GRM7: variants seen among roughly 807,000 people sequenced by gnomAD.
GRM7 encodes the protein metabotropic glutamate receptor 7.
Under a neutral mutation model 84.5 loss-of-function variants are expected in GRM7, and 35 were observed. The observed-to-expected ratio is 0.41, with a 90% CI of 0.32 to 0.55. The LOEUF (loss-of-function observed/expected upper bound fraction) is 0.55. Among genes scored for constraint, GRM7 ranks in the 20% least tolerant of loss-of-function variants. GRM7 has a pLI of 0.19. For synonymous variants in GRM7, 487 were observed against 455.1 expected, an observed-to-expected ratio of 1.07 and a Z score of -0.89; for missense variants, 1,003 against 1,194.6, an observed-to-expected ratio of 0.84 and a Z score of 2.36.
intron 7 of GRM7, among the ~76,000 whole-genome samples, chr3:7,552,405 T>C (rs2125027204): frequency 6.6e-6 from 1 of 152,324 alleles, no homozygotes; most frequent in Non-Finnish European, 1.5e-5. Context: ...AGCGATCCTC[T>C]TCTCACAGCT....
chr3:7,610,291 A>ATAAT (rs1265553209), intron 8 of GRM7, among the ~76,000 whole-genome samples: 4 of 152,204 alleles, frequency 2.6e-5, no homozygotes, highest in Non-Finnish European at 4.4e-5. Flanking sequence ...AGAATTAGCC[A>ATAAT]TAATAGAGAT....
At chr3:7,457,019 A>C (rs1698046370) in intron 6 of GRM7, among the ~76,000 whole-genome samples, 2 of 152,188 alleles carry the variant, frequency 1.3e-5, no homozygotes, top group Non-Finnish European at 2.9e-5. Flanking sequence ...ATAGCTAGCA[A>C]AGGACAGAGA....
intron 4 of GRM7, among the ~76,000 whole-genome samples, chr3:7,403,425 G>A (rs925037418): frequency 1.3e-5 from 2 of 151,044 alleles, no homozygotes; most frequent in Admixed American, 6.6e-5. Context: ...ACATTCATTA[G>A]GATGACATCA....
At chr3:6,933,265 A>G (rs1417442893) in intron 1 of GRM7, among the ~76,000 whole-genome samples, 4 of 152,298 alleles carry the variant, frequency 2.6e-5, no homozygotes, top group African/African-American at 7.2e-5. Flanking sequence ...GTTGGCCCCT[A>G]TGATTTCCCC....
intron 1 of GRM7, among the ~76,000 whole-genome samples, chr3:7,054,972 C>T (rs894241636): frequency 6.6e-6 from 1 of 151,920 alleles, no homozygotes; most frequent in African/African-American, 2.4e-5. Context: ...AATTTGTTTT[C>T]CTGGAAATAT....
At chr3:7,621,411 TTTAG>T (rs1682283368) in intron 8 of GRM7, among the ~76,000 whole-genome samples, 1 of 152,072 alleles carries the variant, frequency 6.6e-6, no homozygotes, top group African/African-American at 2.4e-5. Context: ...TCTCAAGTCA[TTTAG>T]TTAATTAAAC....
At chr3:7,240,290 G>T (rs2124919351) in intron 2 of GRM7, among the ~76,000 whole-genome samples, 2 of 151,668 alleles carry the variant, frequency 1.3e-5, no homozygotes, top group South Asian at 2.1e-4. Flanking sequence ...TACAGGGCTT[G>T]CATGGACTTG....
intron 1 of GRM7, among the ~76,000 whole-genome samples, chr3:7,038,025 C>G (rs1380747625): frequency 6.6e-6 from 1 of 152,060 alleles, no homozygotes. Context: ...TAATAAATAG[C>G]ATCATTTCAG....
intron 8 of GRM7, 47 bp from the exon 9 acceptor site, chr3:7,680,002 T>A (rs750832710): frequency 6.3e-7 from 1 of 1,593,498 alleles, no homozygotes. Flanking sequence ...AGACCCCTAC[T>A]GCAGTCATTT....
At chr3:7,623,206 C>T (rs1301319513) in intron 8 of GRM7, among the ~76,000 whole-genome samples, 1 of 151,986 alleles carries the variant, frequency 6.6e-6, no homozygotes, top group Admixed American at 6.6e-5. Context: ...TGAAGGAGAC[C>T]AGTCTGCAGA....
At chr3:7,521,236 G>A (rs1205523548) in intron 7 of GRM7, among the ~76,000 whole-genome samples, 2 of 152,200 alleles carry the variant, frequency 1.3e-5, no homozygotes, top group South Asian at 2.1e-4. Context: ...GGTTCCCAGT[G>A]CCTTCGATGT....
intron 4 of GRM7, among the ~76,000 whole-genome samples, chr3:7,315,918 A>G (rs111917536): frequency 2.3e-3 from 352 of 152,288 alleles, no homozygotes; most frequent in Middle Eastern, 3.4e-3. Flanking sequence ...CACACCTGAC[A>G]AGTGCTATAA....
intron 7 of GRM7, chr3:7,535,206 C>A (rs1331690096): frequency 1.3e-5 from 2 of 151,516 alleles, no homozygotes; most frequent in Non-Finnish European, 2.9e-5. Flanking sequence ...CAATTAGTGT[C>A]TCAGGAAATG....
At position 7,127,290 on chromosome 3, in the gene GRM7, TC is replaced by T. The variant is rs561100678; in HGVS notation, c.520-19161del. Among the ~76,000 whole-genome samples the T allele has an allele frequency of 3.0e-4, 46 of 152,318 alleles. No individual in the cohort carries two copies. In the South Asian group the frequency reaches 9.3e-3, roughly 31 times the overall value. On this transcript the variant is annotated intron_variant, in intron 1 of 9. Coordinates refer to ENST00000357716, the MANE Select transcript of GRM7 (RefSeq NM_000844.4). ...GATTACTTCTCTTTGATTTCTAACA[TC>T]TTCCGCAAGATGATTCCAATGAAGT...
intron 4 of GRM7, among the ~76,000 whole-genome samples, chr3:7,408,515 A>G (rs1575291796): frequency 6.6e-6 from 1 of 152,016 alleles, no homozygotes; most frequent in African/African-American, 2.4e-5. Flanking sequence ...GAGAGCCTAG[A>G]CTCCTCTCAT....
chr3:7,572,215 G>A lies in GRM7; in HGVS notation c.1516-6207G>A, dbSNP rs1303415959. Reference sequence around the variant, plus strand: ...GCATTCCAGCCTTTTGGAGATCTTAGTTCAGTGGTTCCCAACTTTGTCCAC... The same window carrying A: ...GCATTCCAGCCTTTTGGAGATCTTAATTCAGTGGTTCCCAACTTTGTCCAC... On this transcript the variant is annotated intron_variant, in intron 7 of 9. Transcript: ENST00000357716. 3.3e-5 allele frequency among the ~76,000 whole-genome samples: 5 copies of A among 152,248 alleles called. No individual in the cohort carries two copies. In the East Asian group the frequency reaches 9.7e-4, roughly 29 times the overall value.
intron 7 of GRM7, among the ~76,000 whole-genome samples, chr3:7,515,372 CTCTG>C (rs1700340164): frequency 6.6e-6 from 1 of 152,194 alleles, no homozygotes; most frequent in Non-Finnish European, 1.5e-5. Context: ...CATCCCTGGC[CTCTG>C]TCTATCAAAT....
intron 9 of GRM7, among the ~76,000 whole-genome samples, chr3:7,709,168 C>T (rs1394544064): frequency 6.6e-6 from 1 of 151,966 alleles, no homozygotes; most frequent in Non-Finnish European, 1.5e-5. Flanking sequence ...AGGATAGTAT[C>T]CATGATAAAT....
intron 1 of GRM7, among the ~76,000 whole-genome samples, chr3:7,124,077 C>T (rs1693315239): frequency 6.6e-6 from 1 of 152,060 alleles, no homozygotes; most frequent in Non-Finnish European, 1.5e-5. Context: ...CTTGCTTAGA[C>T]TTTGGTGTGA....
Sources: allele counts gnomAD v4.1 joint callset (sites outside exome capture counted in the v4.1 genomes callset), GRCh38; gene constraint gnomAD v4.1.1; transcripts MANE v1.5; gene names NCBI Gene and HGNC (gene_info 2026-07-23, HGNC 2026-07-21).